The following DTNB variants were observed in gnomAD, a reference collection of about 807,000 sequenced individuals.
The protein encoded by DTNB is dystrobrevin beta.
Under a neutral mutation model 90.7 loss-of-function variants are expected in DTNB, and 63 were observed. The ratio of observed to expected loss-of-function variants is 0.69; its 90% CI spans 0.57 to 0.86. DTNB has a LOEUF of 0.86. Ranked by LOEUF, DTNB falls within the 40% of genes least tolerant of loss-of-function variation. The pLI is 0.00. For missense variants in DTNB, 744 were observed against 807.1 expected (o/e 0.92, Z 0.95); for synonymous variants, 277 against 286.7 (o/e 0.97, Z 0.34).
At chr2:25,638,841 G>A (rs1204959943) in intron 3 of DTNB, among the ~76,000 whole-genome samples, 173 bp downstream of exon 3, 3 of 152,146 alleles carry the variant, frequency 2.0e-5, no homozygotes, top group African/African-American at 4.8e-5. Context: ...TAAACATTTT[G>A]AAGGACAAAG....
At chr2:25,484,600 A>G (rs569107847) in intron 9 of DTNB, among the ~76,000 whole-genome samples, 1 of 152,190 alleles carries the variant, frequency 6.6e-6, no homozygotes. Flanking sequence ...ATTTTTAAAA[A>G]TGATTTTTCC....
Position 25,531,430 on chromosome 2 carries a change from C to T in DTNB, c.1001+43G>A, listed in dbSNP as rs2078151533. The T allele has an allele frequency of 3.2e-6, 5 of 1,579,736 alleles. No homozygotes were observed. The South Asian group carries it at 5.8e-5, about 18-fold the overall frequency. On this transcript the variant is annotated intron_variant, in intron 9 of 20. Coordinates refer to ENST00000406818, the MANE Select transcript of DTNB (RefSeq NM_021907.5). ...GATCCACAGGAATTTCACAAGGCCC[C>T]CATTTCAGTGTGATCCACATGCACA...
chr2:25,666,868 A>C (rs1403369354), intron 1 of DTNB, among the ~76,000 whole-genome samples: 1 of 152,182 alleles, frequency 6.6e-6, no homozygotes, highest in African/African-American at 2.4e-5. Flanking sequence ...GCCAGCAATG[A>C]TGCTGGAGCT....
chr2:25,422,657 C>CA (rs1309159611), intron 15 of DTNB, among the ~76,000 whole-genome samples: 3 of 152,008 alleles, frequency 2.0e-5, no homozygotes, highest in Admixed American at 6.6e-5. Context: ...CTCGGCCTCC[C>CA]AAAGTGTTGG....
chr2:25,423,572 GACTA>G (rs764467735), intron 15 of DTNB, among the ~76,000 whole-genome samples: 4 of 152,126 alleles, frequency 2.6e-5, no homozygotes, highest in Admixed American at 1.3e-4. Context: ...TTGTCCATCT[GACTA>G]ACTGCTTCCG....
intron 16 of DTNB, among the ~76,000 whole-genome samples, chr2:25,389,442 G>T (rs1353219705): frequency 6.6e-6 from 1 of 152,264 alleles, no homozygotes; most frequent in Non-Finnish European, 1.5e-5. Context: ...AGGACACATG[G>T]TAAACAGAAA....
chr2:25,403,699 T>C (rs2044330380), intron 16 of DTNB, among the ~76,000 whole-genome samples: 2 of 152,236 alleles, frequency 1.3e-5, no homozygotes, highest in Non-Finnish European at 2.9e-5. Flanking sequence ...TGGTGAGGTA[T>C]GGCACCCTTA....
chr2:25,436,945 A>G (rs2055986047), intron 12 of DTNB, among the ~76,000 whole-genome samples: 2 of 152,242 alleles, frequency 1.3e-5, no homozygotes, highest in African/African-American at 2.4e-5. Flanking sequence ...AAGTATCTAG[A>G]GAAGCTTTCT....
intron 10 of DTNB, among the ~76,000 whole-genome samples, chr2:25,476,476 A>AC (rs1307190230): frequency 6.6e-6 from 1 of 151,714 alleles, no homozygotes; most frequent in Non-Finnish European, 1.5e-5. Context: ...TAAATTGAAA[A>AC]CCTCTGTAAT....
intron 8 of DTNB, among the ~76,000 whole-genome samples, chr2:25,570,371 G>A (rs1252617943): frequency 7.9e-6 from 1 of 126,658 alleles, no homozygotes; most frequent in Non-Finnish European, 1.5e-5. Flanking sequence ...TCACGCCACT[G>A]CACTCCAGAT....
chr2:25,544,540 G>A (rs552813495), intron 8 of DTNB, among the ~76,000 whole-genome samples: 1 of 152,218 alleles, frequency 6.6e-6, no homozygotes, highest in African/African-American at 2.4e-5. Flanking sequence ...TGAACTCCAA[G>A]CCACACCATC....
intron 12 of DTNB, among the ~76,000 whole-genome samples, chr2:25,443,589 T>C (rs1051727029): frequency 1.3e-5 from 2 of 152,192 alleles, no homozygotes; most frequent in African/African-American, 4.8e-5. Context: ...TAGGCTTTCT[T>C]TATATTCCAG....
intron 11 of DTNB, among the ~76,000 whole-genome samples, chr2:25,452,383 G>A (rs1361361241): frequency 6.6e-6 from 1 of 152,166 alleles, no homozygotes; most frequent in Non-Finnish European, 1.5e-5. Flanking sequence ...GACTTCTTTA[G>A]TATACCAAAT....
chr2:25,534,417 A>G (rs1489506078), intron 8 of DTNB, among the ~76,000 whole-genome samples: 1 of 152,138 alleles, frequency 6.6e-6, no homozygotes, highest in Non-Finnish European at 1.5e-5. Flanking sequence ...ACACAGACAC[A>G]GTAACAATCT....
chr2:25,636,971 A>G (rs1186622524), intron 3 of DTNB, among the ~76,000 whole-genome samples: 1 of 152,066 alleles, frequency 6.6e-6, no homozygotes, highest in African/African-American at 2.4e-5. Context: ...AGAATTTATC[A>G]GCTGTAACGT....
chr2:25,608,132 T>C (rs911021180), intron 4 of DTNB, among the ~76,000 whole-genome samples: 1 of 152,246 alleles, frequency 6.6e-6, no homozygotes, highest in African/African-American at 2.4e-5. Flanking sequence ...AAGCCAAGAA[T>C]GTGCTTTTTG....
At chr2:25,539,577 C>CTTTTTTTTTTT (rs376900916) in intron 8 of DTNB, among the ~76,000 whole-genome samples, 1 of 123,336 alleles carries the variant, frequency 8.1e-6, no homozygotes, top group Non-Finnish European at 1.7e-5. Flanking sequence ...ACTGGATTGC[C>CTTTTTTTTTTT]TTTTTTTTTT....
intron 1 of DTNB, among the ~76,000 whole-genome samples, chr2:25,671,319 C>T (rs1390225145): frequency 6.6e-6 from 1 of 152,110 alleles, no homozygotes; most frequent in Non-Finnish European, 1.5e-5. Flanking sequence ...CAACCGCACA[C>T]GGGAAATCTG....
At chr2:25,670,501 G>A (rs1210739536) in intron 1 of DTNB, among the ~76,000 whole-genome samples, 4 of 152,156 alleles carry the variant, frequency 2.6e-5, no homozygotes, top group African/African-American at 9.7e-5. Context: ...TATTCTGTCT[G>A]TACTGTTTGA....
Sources: allele counts gnomAD v4.1 joint callset (sites outside exome capture counted in the v4.1 genomes callset), GRCh38; gene constraint gnomAD v4.1.1; transcripts MANE v1.5; gene names NCBI Gene and HGNC (gene_info 2026-07-23, HGNC 2026-07-21).